Variants in GLIS3 observed in about 807,000 individuals in gnomAD.
GLIS3 encodes GLIS family zinc finger 3, also known as zinc finger protein GLIS3.
In GLIS3, 53 loss-of-function variants were observed where a neutral mutation model predicts 78.6. The observed-to-expected ratio is 0.67, with a 90% CI of 0.54 to 0.85. The LOEUF (loss-of-function observed/expected upper bound fraction) is 0.85. Ranked by LOEUF, GLIS3 falls within the 40% of genes least tolerant of loss-of-function variation. The pLI is 0.00. For synonymous variants in GLIS3, 684 were observed against 509.9 expected (o/e 1.34, Z -4.60); for missense variants, 1,703 against 1,231.1 (o/e 1.38, Z -5.74).
At chr9:3,974,200 C>G (rs1381142500) in intron 4 of GLIS3, among the ~76,000 whole-genome samples, 7 of 152,014 alleles carry the variant, frequency 4.6e-5, no homozygotes, top group Non-Finnish European at 7.4e-5. Flanking sequence ...GAATTACATA[C>G]AGTGGCAGGT....
intron 4 of GLIS3, among the ~76,000 whole-genome samples, chr9:3,947,630 A>G (rs1816390930): frequency 6.6e-6 from 1 of 152,256 alleles, no homozygotes; most frequent in African/African-American, 2.4e-5. Flanking sequence ...CACGAAGAGA[A>G]TAATTTACCA....
chr9:4,026,243 G>A (rs1485566574), intron 4 of GLIS3, among the ~76,000 whole-genome samples: 1 of 152,222 alleles, frequency 6.6e-6, no homozygotes, highest in African/African-American at 2.4e-5. Flanking sequence ...AGTATTTACT[G>A]AGAAACAGTG....
intron 4 of GLIS3, among the ~76,000 whole-genome samples, chr9:4,043,375 A>G (rs562018473): frequency 6.6e-6 from 1 of 152,120 alleles, no homozygotes; most frequent in Admixed American, 6.5e-5. Flanking sequence ...TGTATTTTCT[A>G]AGAATTAAGG....
chr9:4,378,707 A>C, the GLIS3 span, among the ~76,000 whole-genome samples: 1 of 152,224 alleles, frequency 6.6e-6, no homozygotes, highest in Non-Finnish European at 1.5e-5. Flanking sequence ...TCCTAAATCC[A>C]GAGGCAGAAT....
In GLIS3 at chr9:3,824,386, A is replaced by G. The variant is rs1324474748; in HGVS notation, c.*3886T>C. On this transcript the variant is annotated 3_prime_UTR_variant, in exon 11 of 11. Coordinates refer to ENST00000381971, the MANE Select transcript of GLIS3 (RefSeq NM_001042413.2). ...GTATGTAAGAGGCTGATGGTAAAACAAAACAAAAAAACAAACAAACAAACA... is the reference window on the plus strand; with the variant it reads ...GTATGTAAGAGGCTGATGGTAAAACGAAACAAAAAAACAAACAAACAAACA... The G allele has an allele frequency of 6.6e-6, 1 of 152,574 alleles. No individual in the cohort carries two copies. Among genetic ancestry groups the G allele is most frequent in the East Asian group, 1.9e-4 (1 of 5,196 alleles). 9.5% of individuals were successfully genotyped at this position (152,574 alleles called of 1,614,324 possible). A position where few individuals can be genotyped will look rare whatever the true frequency, so the allele number is the denominator to read the frequency against.
At chr9:4,464,415 G>C in the GLIS3 span, among the ~76,000 whole-genome samples, 388 of 149,040 alleles carry the variant, frequency 2.6e-3, 10 homozygotes, top group East Asian at 0.065. Context: ...ATTTTTTTGA[G>C]ACAGAGTCTT....
intron 8 of GLIS3, among the ~76,000 whole-genome samples, chr9:3,867,113 G>C (rs1359998022): frequency 1.3e-5 from 2 of 152,196 alleles, no homozygotes; most frequent in Non-Finnish European, 2.9e-5. Context: ...ACAGTAAGTT[G>C]AAGATAACTA....
At chr9:3,999,910 G>A (rs562312528) in intron 4 of GLIS3, among the ~76,000 whole-genome samples, 6 of 151,998 alleles carry the variant, frequency 3.9e-5, no homozygotes, top group Non-Finnish European at 8.8e-5. Context: ...GAAAAATAGA[G>A]AAATGGAAAA....
intron 6 of GLIS3, 23 bp from the exon 7 acceptor site, chr9:3,898,858 A>G: frequency 6.2e-7 from 1 of 1,613,626 alleles, no homozygotes; most frequent in South Asian, 1.1e-5. Context: ...AACGGAAGAG[A>G]CATCGATAAG....
intron 2 of GLIS3, among the ~76,000 whole-genome samples, chr9:4,161,158 G>A (rs912226086): frequency 8.6e-5 from 13 of 151,712 alleles, no homozygotes; most frequent in Non-Finnish European, 1.6e-4. Context: ...TGGTAGTCCC[G>A]GCTACTCAGG....
At chr9:3,920,060 G>A (rs369998377) in intron 6 of GLIS3, among the ~76,000 whole-genome samples, 97 of 140,460 alleles carry the variant, frequency 6.9e-4, no homozygotes, top group African/African-American at 2.5e-3. Flanking sequence ...CTGGAGTGCA[G>A]TGGCACGGTC....
chr9:4,346,060 A>G (rs138422176), intron 2 of GLIS3, among the ~76,000 whole-genome samples: 315 of 152,330 alleles, frequency 2.1e-3, no homozygotes, highest in African/African-American at 7.2e-3. Context: ...CAGAAGAACT[A>G]AAATTATGAT....
chr9:4,239,445 T>C (rs1449866682), intron 2 of GLIS3, among the ~76,000 whole-genome samples: 1 of 152,112 alleles, frequency 6.6e-6, no homozygotes, highest in East Asian at 1.9e-4. Flanking sequence ...GAACCTAGAT[T>C]ACAGGCTGCA....
At chr9:4,326,047 C>T (rs118085078) in intron 2 of GLIS3, among the ~76,000 whole-genome samples, 2 of 152,166 alleles carry the variant, frequency 1.3e-5, no homozygotes, top group Non-Finnish European at 1.5e-5. Context: ...CACACTGGGG[C>T]CTGTCGGGGG....
intron 2 of GLIS3, among the ~76,000 whole-genome samples, chr9:4,263,128 C>T (rs895735559): frequency 6.6e-6 from 1 of 152,124 alleles, no homozygotes; most frequent in African/African-American, 2.4e-5. Context: ...ATGGGCTTGA[C>T]CTCTGAAGTA....
chr9:4,251,688 T>A (rs1824405197), intron 2 of GLIS3, among the ~76,000 whole-genome samples: 1 of 152,188 alleles, frequency 6.6e-6, no homozygotes, highest in South Asian at 2.1e-4. Context: ...GTTGATGCAG[T>A]TTCTTCAGTG....
At chr9:4,064,637 A>G (rs899860160) in intron 4 of GLIS3, among the ~76,000 whole-genome samples, 14 of 152,198 alleles carry the variant, frequency 9.2e-5, no homozygotes, top group African/African-American at 3.4e-4. Flanking sequence ...TAAAAATATT[A>G]TTAAAAAAAT....
chr9:4,044,600 C>G (rs1018080342), intron 4 of GLIS3, among the ~76,000 whole-genome samples: 10 of 152,276 alleles, frequency 6.6e-5, no homozygotes, highest in African/African-American at 2.4e-4. Flanking sequence ...GAGTGACTGT[C>G]TTTGGGTCAG....
At chr9:3,836,750 C>A (rs921587666) in intron 9 of GLIS3, among the ~76,000 whole-genome samples, 2 of 152,168 alleles carry the variant, frequency 1.3e-5, no homozygotes, top group Non-Finnish European at 2.9e-5. Context: ...GACAGCCACA[C>A]CAGGGTTGCT....
Sources: gnomAD v4.1 joint callset for allele counts (sites outside exome capture counted in the v4.1 genomes callset) on GRCh38, gnomAD v4.1.1 for gene constraint, MANE v1.5 for transcripts, NCBI Gene and HGNC (gene_info 2026-07-23, HGNC 2026-07-21) for gene names.